Variants in MRAP2 observed in about 807,000 individuals in gnomAD.
MRAP2 encodes melanocortin-2 receptor accessory protein 2.
A neutral mutation model predicts 17.4 loss-of-function variants in MRAP2; 20 were observed. The observed-to-expected ratio is 1.15, with a 90% CI of 0.81 to 1.67. The LOEUF (loss-of-function observed/expected upper bound fraction) is 1.67, where lower values mean the gene tolerates loss of function less well. Among genes scored for constraint, MRAP2 ranks in the 40% most tolerant of loss-of-function variants. The probability of loss-of-function intolerance (pLI) is 0.00; values close to 1 mark genes in which losing one functional copy is unlikely to be tolerated. For missense variants in MRAP2, 238 were observed against 240.0 expected (o/e 0.99, Z 0.05); for synonymous variants, 96 against 88.4 (o/e 1.09, Z -0.48).
the MRAP2 span, among the ~76,000 whole-genome samples, chr6:84,125,478 C>G: frequency 6.1e-3 from 931 of 152,172 alleles, 12 homozygotes; most frequent in South Asian, 0.018. Flanking sequence ...GTGTCCCCCT[C>G]AAATTCATAT....
intron 1 of MRAP2, among the ~76,000 whole-genome samples, chr6:84,039,590 A>G (rs1458068446): frequency 2.0e-5 from 3 of 152,212 alleles, no homozygotes; most frequent in African/African-American, 4.8e-5. Context: ...TCTGAGTTTA[A>G]TTGTTGCTCG....
chr6:84,073,664 C>G (rs1314147661), intron 3 of MRAP2, among the ~76,000 whole-genome samples: 1 of 152,146 alleles, frequency 6.6e-6, no homozygotes, highest in East Asian at 1.9e-4. Flanking sequence ...GCACGGGGCT[C>G]TGGACTCAAA....
At chr6:84,143,807 T>C in the MRAP2 span, among the ~76,000 whole-genome samples, 1 of 152,112 alleles carries the variant, frequency 6.6e-6, no homozygotes, top group Non-Finnish European at 1.5e-5. Flanking sequence ...GGTCTGCTCT[T>C]GATAAGAGAT....
chr6:84,115,645 C>T, the MRAP2 span, among the ~76,000 whole-genome samples: 1 of 152,148 alleles, frequency 6.6e-6, no homozygotes, highest in Admixed American at 6.5e-5. Context: ...ACTCCTGCAG[C>T]TAGCTCAGTG....
At chr6:84,073,795 C>G (rs2099496850) in intron 3 of MRAP2, among the ~76,000 whole-genome samples, 1 of 151,988 alleles carries the variant, frequency 6.6e-6, no homozygotes, top group African/African-American at 2.4e-5. Context: ...CAAGCTTGTC[C>G]AACCTGCGGC....
the MRAP2 span, among the ~76,000 whole-genome samples, chr6:84,115,641 G>A: frequency 2.0e-5 from 3 of 152,080 alleles, no homozygotes; most frequent in Non-Finnish European, 4.4e-5. Context: ...AAACACTCCT[G>A]CAGCTAGCTC....
At chr6:84,092,183 A>G (rs2099501882), downstream of MRAP2, among the ~76,000 whole-genome samples, 1 of 152,166 alleles carries the variant, frequency 6.6e-6, no homozygotes, top group South Asian at 2.1e-4. Flanking sequence ...ACATTGGGTT[A>G]CCTAAGATGA....
the MRAP2 span, chr6:84,125,181 C>T: frequency 6.2e-6 from 10 of 1,613,530 alleles, no homozygotes; most frequent in East Asian, 2.2e-4. Context: ...TGCGGAACTT[C>T]TCCAGCTCAC....
the MRAP2 span, among the ~76,000 whole-genome samples, chr6:84,145,698 T>G: frequency 6.6e-6 from 1 of 152,124 alleles, no homozygotes; most frequent in Non-Finnish European, 1.5e-5. Flanking sequence ...ACTGCCCTTT[T>G]CCTGAAATCT....
At chr6:84,128,862 G>A in the MRAP2 span, among the ~76,000 whole-genome samples, 1 of 150,642 alleles carries the variant, frequency 6.6e-6, no homozygotes, top group African/African-American at 2.4e-5. Flanking sequence ...CCCCCGACAG[G>A]CCCCGGTGTG....
At chr6:84,114,352 C>A in the MRAP2 span, among the ~76,000 whole-genome samples, 1 of 152,014 alleles carries the variant, frequency 6.6e-6, no homozygotes, top group Non-Finnish European at 1.5e-5. Context: ...GATGTCCTTT[C>A]TTCCACTTGA....
chr6:84,043,151 A>G (rs529416550), intron 1 of MRAP2, among the ~76,000 whole-genome samples: 9 of 152,198 alleles, frequency 5.9e-5, no homozygotes, highest in Non-Finnish European at 1.0e-4. Context: ...TTAGAACTTA[A>G]AGAGTGGTTG....
intron 3 of MRAP2, among the ~76,000 whole-genome samples, chr6:84,088,037 C>G (rs1470293452): frequency 2.0e-5 from 3 of 151,992 alleles, no homozygotes; most frequent in East Asian, 1.9e-4. Flanking sequence ...CAAATTCTTA[C>G]AGAATTTGGT....
the MRAP2 span, among the ~76,000 whole-genome samples, chr6:84,100,098 G>A: frequency 6.6e-6 from 1 of 152,072 alleles, no homozygotes; most frequent in Non-Finnish European, 1.5e-5. Context: ...GGCCCCAAGT[G>A]ATCCACTTGC....
chr6:84,080,546 C>A (rs536314392), intron 3 of MRAP2, among the ~76,000 whole-genome samples: 11 of 152,254 alleles, frequency 7.2e-5, no homozygotes, highest in African/African-American at 2.6e-4. Flanking sequence ...GAATCAGTGT[C>A]AAAAGCCTTT....
chr6:84,082,099 C>T (rs760584133), intron 3 of MRAP2, among the ~76,000 whole-genome samples: 1 of 152,120 alleles, frequency 6.6e-6, no homozygotes. Context: ...TTAGACTTGT[C>T]CCTTAAAATT....
upstream of MRAP2, chr6:84,033,580 T>A (rs2099485085): frequency 1.4e-6 from 1 of 709,812 alleles, no homozygotes; most frequent in Non-Finnish European, 1.7e-6. Flanking sequence ...TGACCCGGAC[T>A]CGGAGGGGCA....
rs990156046 is a variant in MRAP2, at chr6:84,089,802, C to T, written c.*321C>T. 3.8e-5 allele frequency: 9 copies of T among 235,296 alleles called. No individual in the cohort carries two copies. Among genetic ancestry groups the T allele is most frequent in the Non-Finnish European group, 7.1e-5 (9 of 126,274 alleles). 14.6% of individuals were successfully genotyped at this position (235,296 alleles called of 1,614,324 possible). On this transcript the variant is annotated 3_prime_UTR_variant, in exon 4 of 4. Transcript: ENST00000257776. ...ATACAAATTTTAAACTTTATTAAAA[C>T]ATGAGTTTTGTTTTTTTTTTTGCTA...
the MRAP2 span, among the ~76,000 whole-genome samples, chr6:84,129,533 GT>G: frequency 1.2e-4 from 18 of 151,704 alleles, no homozygotes; most frequent in African/African-American, 3.6e-4. Flanking sequence ...TGATGGGGAT[GT>G]TTTTTTTCTT....
Sources: allele counts gnomAD v4.1 joint callset (sites outside exome capture counted in the v4.1 genomes callset), GRCh38; gene constraint gnomAD v4.1.1; transcripts MANE v1.5; gene names NCBI Gene and HGNC (gene_info 2026-07-23, HGNC 2026-07-21).